TRPM4: variants seen among roughly 807,000 people sequenced by gnomAD.
TRPM4 encodes the protein calcium-activated non-selective cation channel 1.
In TRPM4, 124 loss-of-function variants were observed where a neutral mutation model predicts 135.6. The ratio of observed to expected loss-of-function variants is 0.91; its 90% CI spans 0.79 to 1.06. The LOEUF is 1.06. TRPM4 is among the 50% of genes least tolerant of loss of function. TRPM4 has a pLI of 0.00. For missense variants in TRPM4, 1,658 were observed against 1,671.4 expected, an observed-to-expected ratio of 0.99 and a Z score of 0.14; for synonymous variants, 745 against 705.6, an observed-to-expected ratio of 1.06 and a Z score of -0.88.
At chr19:49,158,323 G>C (rs746089387) in intron 2 of TRPM4, 64 bp downstream of exon 2, 5 of 1,483,872 alleles carry the variant, frequency 3.4e-6, no homozygotes, top group Non-Finnish European at 4.7e-6. Context: ...GCCCGCGGAT[G>C]GTCACGCCCC....
rs772794059 is a variant in TRPM4 at position 49,200,589 on chromosome 19, ACT to A, written c.2779-20_2779-19del. ...CCAGAGTAGGAAAGGGCGGGGCCAG[ACT>A]CAGCCACATCTCCCCACAGATGAAG... On this transcript the variant is annotated intron_variant, in intron 18 of 24. Coordinates refer to ENST00000252826, the MANE Select transcript of TRPM4 (RefSeq NM_017636.4). 1.9e-6 allele frequency: 3 copies of A among 1,609,986 alleles called. No individual in the cohort carries two copies. Among genetic ancestry groups the A allele is most frequent in the East Asian group, 4.5e-5 (2 of 44,854 alleles).
At chr19:49,192,775 A>G (rs1382382309) in intron 16 of TRPM4, among the ~76,000 whole-genome samples, 2 of 152,112 alleles carry the variant, frequency 1.3e-5, no homozygotes, top group Non-Finnish European at 2.9e-5. Context: ...ACAAACCCCC[A>G]TGACACAAAT....
intron 6 of TRPM4, among the ~76,000 whole-genome samples, chr19:49,169,540 C>T (rs973035559): frequency 4.6e-5 from 7 of 151,002 alleles, no homozygotes; most frequent in Admixed American, 2.0e-4. Flanking sequence ...TTTGGCCTCC[C>T]GAAGTGCTGG....
chr19:49,178,737 GTAT>G (rs35033537), intron 9 of TRPM4, among the ~76,000 whole-genome samples: 4 of 118,730 alleles, frequency 3.4e-5, no homozygotes, highest in East Asian at 2.1e-4. Flanking sequence ...ATAAAGCAAG[GTAT>G]TATTATTATT....
In TRPM4 at chr19:49,210,819, G is replaced by A. The variant is rs1600546207; in HGVS notation, c.3438G>A (p.Glu1146=). 1.9e-6 allele frequency: 3 copies of A among 1,612,686 alleles called. No individual in the cohort carries two copies. The highest frequency in any genetic ancestry group is 4.5e-5 in the East Asian group (2 of 44,840). ...RARDKRESDS[E]RLKRTSQKVD... is the part of the protein sequence containing the mutation. ...GGGACAAGCGGGAGAGCGACTCCGAGCGTCTGAAGCGCACGTCCCAGAAGT... is the reference window on the plus strand; with the variant it reads ...GGGACAAGCGGGAGAGCGACTCCGAACGTCTGAAGCGCACGTCCCAGAAGT... The change falls in exon 22 of 25, where the codon GAG becomes GAA. Residue 1146 remains glutamate, a synonymous_variant. Coordinates refer to ENST00000252826, the MANE Select transcript of TRPM4 (RefSeq NM_017636.4). This position sits in a 1 kb window ranked among gnomAD's most constrained non-coding sequence, Gnocchi z 4.1.
At chr19:49,201,813 T>C in intron 19 of TRPM4, 151 bp from the exon 20 acceptor site, 3 of 840,560 alleles carry the variant, frequency 3.6e-6, no homozygotes, top group East Asian at 2.4e-5. Context: ...TTGGTCAGGC[T>C]AGTCTCAAAC....
intron 17 of TRPM4, among the ~76,000 whole-genome samples, chr19:49,199,494 C>G (rs1191773797): frequency 1.3e-5 from 2 of 152,002 alleles, no homozygotes; most frequent in South Asian, 2.1e-4. Flanking sequence ...CTCCTGACCC[C>G]GTGATCCGCC....
chr19:49,177,589 G>C (rs140894202), intron 9 of TRPM4, among the ~76,000 whole-genome samples: 172 of 152,196 alleles, frequency 1.1e-3, no homozygotes, highest in African/African-American at 4.0e-3. Flanking sequence ...GCCTCCCAAA[G>C]TGCTGGGATT....
intron 9 of TRPM4, among the ~76,000 whole-genome samples, chr19:49,178,162 G>A (rs1423768266): frequency 6.6e-6 from 1 of 151,992 alleles, no homozygotes; most frequent in Non-Finnish European, 1.5e-5. Flanking sequence ...GAGACCCCAT[G>A]TCTATAAAAA....
rs547598396 is a variant in TRPM4 at position 49,192,870 on chromosome 19, G to C, written c.2210+2097G>C. ...AAAAAAAGAACAAAATATGTATCAA[G>C]AGAGAAGGGAAAAACTAAGATAAAC... On this transcript the variant is annotated intron_variant, in intron 16 of 24. Coordinates refer to ENST00000252826, the MANE Select transcript of TRPM4 (RefSeq NM_017636.4). Among the ~76,000 whole-genome samples the C allele has an allele frequency of 3.0e-4, 46 of 152,086 alleles. 1 individual carries two copies. The highest frequency in any genetic ancestry group is 2.4e-3 in the Admixed American group (37 of 15,244).
intron 10 of TRPM4, 136 bp from the exon 11 acceptor site, chr19:49,182,442 A>T: frequency 1.4e-6 from 1 of 725,398 alleles, no homozygotes; most frequent in South Asian, 1.5e-5. Context: ...CCATTCATCC[A>T]TCCATCCACC....
Position 49,171,957 on chromosome 19 carries a change from C to T in TRPM4, c.1051-52C>T. On this transcript the variant is annotated intron_variant, in intron 8 of 24. Coordinates refer to ENST00000252826, the MANE Select transcript of TRPM4 (RefSeq NM_017636.4). This position sits in a 1 kb window ranked among gnomAD's most constrained non-coding sequence, Gnocchi z 4.7. ...CTCCATCCCTTTGGACAGGGCCCAA[C>T]AGGAGTTGGGGATGGAGGCGGGCTA... 6.6e-7 allele frequency: 1 copy of T among 1,517,838 alleles called. No homozygotes were observed. 94.0% of individuals were successfully genotyped at this position (1,517,838 alleles called of 1,614,324 possible).
At position 49,210,715 on chromosome 19, in the gene TRPM4, T is replaced by C. The variant is rs1209915876; in HGVS notation, c.3334T>C (p.Tyr1112His). The stretch of plus-strand genomic sequence containing the variant: ...GACTCCGCCCGCCCCTGCAGGGGTT[T>C]ACCTTTCTAAGGAAGCCGAGCGGAA... ...SSPALEHFRV[Y>H]LSKEAERKLL... The change falls in exon 22 of 25, where the codon TAC becomes CAC. Residue 1112 changes from tyrosine (Y) to histidine (H), a missense_variant. Physicochemically the swap from Tyr to His is moderately conservative, Grantham distance 83 (BLOSUM62 2). Around this residue, in one of 3 missense-constraint regions of TRPM4, gnomAD observed 1,412 missense variants for 1,408.7 expected, o/e 1.00. Transcript: ENST00000252826. This position sits in a 1 kb window ranked among gnomAD's most constrained non-coding sequence, Gnocchi z 4.1. 1 of 1,614,158 alleles carries C rather than the reference T, an allele frequency of 6.2e-7. No individual in the cohort carries two copies. Among genetic ancestry groups the C allele is most frequent in the South Asian group, 1.1e-5 (1 of 91,054 alleles).
At chr19:49,196,906 C>A in intron 17 of TRPM4, 32 bp downstream of exon 17, 2 of 1,542,186 alleles carry the variant, frequency 1.3e-6, no homozygotes, top group East Asian at 2.4e-5. Flanking sequence ...AACCCTGGCC[C>A]CTGGCCACCT....
At chr19:49,160,317 C>T (rs1345805224) in intron 2 of TRPM4, among the ~76,000 whole-genome samples, 1 of 152,028 alleles carries the variant, frequency 6.6e-6, no homozygotes, top group East Asian at 1.9e-4. Context: ...TGGTGCAACC[C>T]TATCTCTACT....
chr19:49,163,489 C>T (rs754358623), intron 2 of TRPM4, among the ~76,000 whole-genome samples: 26 of 152,004 alleles, frequency 1.7e-4, no homozygotes, highest in Middle Eastern at 3.4e-3. Context: ...CCACCATGCC[C>T]GGCCTTATTT....
Position 49,172,003 on chromosome 19 carries a change from C to T in TRPM4, c.1051-6C>T. On this transcript the variant is annotated splice_polypyrimidine_tract_variant and splice_region_variant and intron_variant, in intron 8 of 24. Transcript: ENST00000252826. ...GGCTAGGGATGCAGAACTGGCTATT[C>T]CACAGGTGGAGAGGATTATGACCCG... The T allele has an allele frequency of 6.2e-7, 1 of 1,612,358 alleles. No homozygotes were observed. The highest frequency in any genetic ancestry group is 1.3e-5 in the African/African-American group (1 of 74,946).
chr19:49,184,452 CTTTTTTTTTT>C (rs67748057), intron 12 of TRPM4, among the ~76,000 whole-genome samples: 8 of 45,476 alleles, frequency 1.8e-4, no homozygotes, highest in Non-Finnish European at 2.2e-4. Flanking sequence ...TCTCTGTAGT[CTTTTTTTTTT>C]TTTTTTTTTT....
intron 9 of TRPM4, among the ~76,000 whole-genome samples, chr19:49,177,822 G>A (rs1042497796): frequency 6.6e-6 from 1 of 152,194 alleles, no homozygotes; most frequent in African/African-American, 2.4e-5. Flanking sequence ...CTTTTCATGT[G>A]AGTCTGTATA....
Sources: gnomAD v4.1 joint callset for allele counts (sites outside exome capture counted in the v4.1 genomes callset) on GRCh38, gnomAD v4.1.1 for gene constraint, gnomAD v4.1.1 regional missense constraint, Gnocchi (gnomAD v3.1) non-coding constraint, MANE v1.5 for transcripts, NCBI Gene and HGNC (gene_info 2026-07-23, HGNC 2026-07-21) for gene names.